Variants in LRSAM1 observed in about 807,000 individuals in gnomAD.
The protein encoded by LRSAM1 is E3 ubiquitin-protein ligase LRSAM1.
In LRSAM1, 96 loss-of-function variants were observed where a neutral mutation model predicts 118.1. The observed-to-expected ratio is 0.81, with a 90% CI of 0.69 to 0.96. The LOEUF is 0.96. Ranked by LOEUF, LRSAM1 falls within the 40% of genes least tolerant of loss-of-function variation. The pLI, the probability that LRSAM1 is intolerant of heterozygous loss-of-function variation, is 0.00. For synonymous variants in LRSAM1, 322 were observed against 364.2 expected, an observed-to-expected ratio of 0.88 and a Z score of 1.32; for missense variants, 804 against 915.5, an observed-to-expected ratio of 0.88 and a Z score of 1.57.
In LRSAM1 at chr9:127,464,380, C is replaced by T. The variant is rs371417350; in HGVS notation, c.528+2007C>T. On this transcript the variant is annotated intron_variant, in intron 9 of 25. Coordinates refer to ENST00000300417, the MANE Select transcript of LRSAM1 (RefSeq NM_001005373.4). ...CACCTGGTGACCGTGCTGTCCAGAG[C>T]GGCGGCCACTGGCCACGTGTATCTA... Among the ~76,000 whole-genome samples, 573 of 109,696 alleles carry T rather than the reference C, an allele frequency of 5.2e-3. 2 individuals carry two copies. The highest frequency in any genetic ancestry group is 0.018 in the African/African-American group (471 of 26,134). The allele number at this position is 109,696 out of a possible 152,430, so 72.0% of individuals were successfully genotyped here.
intron 3 of LRSAM1, 115 bp from the exon 4 acceptor site, chr9:127,454,883 C>T: frequency 9.4e-7 from 1 of 1,061,474 alleles, no homozygotes; most frequent in Non-Finnish European, 1.5e-6. Flanking sequence ...ACCAGTGGAA[C>T]CAGATAGTGT....
chr9:127,454,712 C>T, intron 3 of LRSAM1, 113 bp downstream of exon 3: 1 of 1,143,452 alleles, frequency 8.7e-7, no homozygotes, highest in Non-Finnish European at 1.3e-6. Context: ...GCCTCCCCCA[C>T]CCACAGAAGA....
intron 18 of LRSAM1, among the ~76,000 whole-genome samples, chr9:127,488,635 C>T (rs771147504): frequency 6.6e-6 from 1 of 151,184 alleles, no homozygotes; most frequent in Non-Finnish European, 1.5e-5. Flanking sequence ...TGCTCTGTTG[C>T]CCAGGATGAG....
intron 23 of LRSAM1, 35 bp from the exon 24 acceptor site, chr9:127,497,218 C>G: frequency 1.2e-6 from 2 of 1,610,166 alleles, no homozygotes; most frequent in Non-Finnish European, 1.7e-6. Context: ...GGCTCCCGCC[C>G]AGGCCACAGT....
intron 24 of LRSAM1, among the ~76,000 whole-genome samples, chr9:127,500,624 C>T (rs1836349475): frequency 6.6e-6 from 1 of 152,184 alleles, no homozygotes; most frequent in South Asian, 2.1e-4. Context: ...TCTGCAGCTG[C>T]ATCACCAGAT....
chr9:127,468,366 C>G (rs536752308), intron 10 of LRSAM1, among the ~76,000 whole-genome samples: 30 of 152,212 alleles, frequency 2.0e-4, no homozygotes, highest in Non-Finnish European at 3.5e-4. Flanking sequence ...AGGAGGCTGT[C>G]GGGGTCATCC....
intron 10 of LRSAM1, among the ~76,000 whole-genome samples, chr9:127,472,367 C>T (rs906972330): frequency 2.6e-5 from 4 of 151,878 alleles, no homozygotes; most frequent in African/African-American, 9.7e-5. Context: ...AGAGGCTGGG[C>T]ATGGTGACTC....
chr9:127,473,721 C>T, intron 10 of LRSAM1, 80 bp from the exon 11 acceptor site: 9 of 1,604,588 alleles, frequency 5.6e-6, no homozygotes, highest in Non-Finnish European at 7.7e-6. Flanking sequence ...GGGCCGGCTG[C>T]CCTGGCAGTG....
In LRSAM1 at chr9:127,501,694, T is replaced by C. The variant is rs1039449279; in HGVS notation, c.2046+551T>C. On this transcript the variant is annotated intron_variant, in intron 25 of 25. Coordinates refer to ENST00000300417, the MANE Select transcript of LRSAM1 (RefSeq NM_001005373.4). ...TTGCAGTGAGCCAAGATCCCACCAC[T>C]GCACTCCAGCCTGGCAGACAGATCG... Among the ~76,000 whole-genome samples, 3 of 152,188 alleles carry C rather than the reference T, an allele frequency of 2.0e-5. No individual in the cohort carries two copies. In the East Asian group the frequency reaches 5.8e-4, roughly 29 times the overall value.
chr9:127,487,727 G>A lies in LRSAM1; in HGVS notation c.1311G>A (p.Met437Ile), dbSNP rs758810654. Residue 437 changes from methionine (M) to isoleucine (I), a missense_variant, in exon 18 of 26, where the codon ATG (methionine) becomes ATA (isoleucine). Physicochemically the swap from Met to Ile is conservative, Grantham distance 10. Coordinates refer to ENST00000300417, the MANE Select transcript of LRSAM1 (RefSeq NM_001005373.4). The stretch of plus-strand genomic sequence containing the variant: ...AGCAGATTCTGTCGTGGCAGCAAAT[G>A]GATCAGAACAAAGCCATCAGCCAGA... ...RFQQILSWQQ[M>I]DQNKAISQIL... 3 of 1,613,690 alleles carry A rather than the reference G, an allele frequency of 1.9e-6. No homozygotes were observed. The highest frequency in any genetic ancestry group is 2.5e-6 in the Non-Finnish European group (3 of 1,179,874).
Position 127,474,260 on chromosome 9 carries a change from CT to C in LRSAM1, c.750+345del, listed in dbSNP as rs111823259. On this transcript the variant is annotated intron_variant, in intron 11 of 25. Coordinates refer to ENST00000300417, the MANE Select transcript of LRSAM1 (RefSeq NM_001005373.4). ...CACTCACTTGTCTTATCCTTCAGTT[CT>C]TTTTTTTTTTTTTTTCCTTTTTTTG... is the stretch of plus-strand genomic sequence containing the variant. 0.43 allele frequency among the ~76,000 whole-genome samples: 59,733 copies of C among 139,346 alleles called. 12,847 individuals are homozygous for C. The highest frequency in any genetic ancestry group is 0.5 in the Middle Eastern group (132 of 264). The allele number at this position is 139,346 out of a possible 152,430, so 91.4% of individuals were successfully genotyped here.
chr9:127,460,912 A>G (rs565668019), intron 7 of LRSAM1, among the ~76,000 whole-genome samples: 19 of 130,250 alleles, frequency 1.5e-4, no homozygotes, highest in African/African-American at 4.7e-4. Flanking sequence ...CCGGAGTGCA[A>G]TGGTGCAATC....
At position 127,502,935 on chromosome 9, in the gene LRSAM1, G is replaced by T; in HGVS notation, c.*36G>T. ...CCCACCTGGGCCTGGTCCTAGCCCTGCCTCGGCCACTGTGAGCCCCGGGCT... is the reference window on the plus strand; with the variant it reads ...CCCACCTGGGCCTGGTCCTAGCCCTTCCTCGGCCACTGTGAGCCCCGGGCT... On this transcript the variant is annotated 3_prime_UTR_variant, in exon 26 of 26. Transcript: ENST00000300417. 6.4e-7 allele frequency: 1 copy of T among 1,566,216 alleles called. No homozygotes were observed. Among genetic ancestry groups the T allele is most frequent in the Non-Finnish European group, 8.6e-7 (1 of 1,156,992 alleles).
At chr9:127,476,605 C>G (rs1033617334) in intron 11 of LRSAM1, among the ~76,000 whole-genome samples, 4 of 152,040 alleles carry the variant, frequency 2.6e-5, no homozygotes, top group African/African-American at 9.7e-5. Flanking sequence ...AGGTAGTTGC[C>G]AGTGGCTGGA....
chr9:127,456,343 C>T (rs1834517782), intron 5 of LRSAM1, among the ~76,000 whole-genome samples: 2 of 151,310 alleles, frequency 1.3e-5, no homozygotes, highest in African/African-American at 4.9e-5. Flanking sequence ...AAGCAATTCT[C>T]CTGCCTCAGC....
At chr9:127,483,913 CAACCTCCTG>C (rs138895322) in intron 16 of LRSAM1, among the ~76,000 whole-genome samples, 3,084 of 152,290 alleles carry the variant, frequency 0.02, 119 homozygotes, top group African/African-American at 0.07. Flanking sequence ...TCGCCTGCCT[CAACCTCCTG>C]AAGTGCTGGT....
At chr9:127,491,932 CGGAGGGCTGGATGGGAT>C (rs2132100500) in intron 20 of LRSAM1, among the ~76,000 whole-genome samples, 1 of 152,322 alleles carries the variant, frequency 6.6e-6, no homozygotes, top group Admixed American at 6.5e-5. Flanking sequence ...CAGCTGCAGA[CGGAGGGCTGGATGGGAT>C]GGTGTGTGAG....
chr9:127,491,307 T>G lies in LRSAM1; in HGVS notation c.1503+12T>G. 1.9e-6 allele frequency: 3 copies of G among 1,608,646 alleles called. No homozygotes were observed. The highest frequency in any genetic ancestry group is 2.6e-6 in the Non-Finnish European group (3 of 1,175,824). On this transcript the variant is annotated intron_variant, in intron 20 of 25. Coordinates refer to ENST00000300417, the MANE Select transcript of LRSAM1 (RefSeq NM_001005373.4). ...CAGAGTCACTCCAGGTATGTAGGGC[T>G]CCCTGCCCCTGCCCTCCTTCACGTG...
chr9:127,457,968 C>T (rs200075998), intron 6 of LRSAM1, among the ~76,000 whole-genome samples: 4 of 144,772 alleles, frequency 2.8e-5, no homozygotes, highest in African/African-American at 5.1e-5. Context: ...TGCTTTCTTT[C>T]TTTTTTTTTT....
Sources: gnomAD v4.1 joint callset for allele counts (sites outside exome capture counted in the v4.1 genomes callset) on GRCh38, gnomAD v4.1.1 for gene constraint, MANE v1.5 for transcripts, NCBI Gene and HGNC (gene_info 2026-07-23, HGNC 2026-07-21) for gene names.